ZSCAN5B: variants seen among roughly 807,000 people sequenced by gnomAD.
ZSCAN5B encodes the protein zinc finger and SCAN domain containing 5B.
Under a neutral mutation model 25.2 loss-of-function variants are expected in ZSCAN5B, and 26 were observed. That is an observed-to-expected ratio of 1.03 (90% CI 0.76 to 1.43). The LOEUF (loss-of-function observed/expected upper bound fraction) is 1.43. Ranked by LOEUF, ZSCAN5B falls within the 40% of genes most tolerant of loss-of-function variation. The pLI is 0.00. For missense variants in ZSCAN5B, 745 were observed against 622.1 expected (o/e 1.20, Z -2.10); for synonymous variants, 244 against 240.9 (o/e 1.01, Z -0.12).
intron 1 of ZSCAN5B, among the ~76,000 whole-genome samples, chr19:56,194,269 G>A (rs1455012614): frequency 6.6e-6 from 1 of 151,942 alleles, no homozygotes; most frequent in African/African-American, 2.4e-5. Flanking sequence ...GAAATTTCCA[G>A]GTAGTGGGAT....
At chr19:56,196,910 C>A (rs922062310) in intron 1 of ZSCAN5B, among the ~76,000 whole-genome samples, 3 of 152,128 alleles carry the variant, frequency 2.0e-5, no homozygotes, top group Non-Finnish European at 2.9e-5. Context: ...GAGGCTGAGG[C>A]GGGCAGATTG....
chr19:56,190,746 G>C, intron 4 of ZSCAN5B, 91 bp downstream of exon 4: 2 of 1,547,406 alleles, frequency 1.3e-6, no homozygotes, highest in African/African-American at 1.4e-5. Context: ...GCAGCTGATC[G>C]CCAGCCCCAG....
rs375696908 is a variant in ZSCAN5B at position 56,190,461 on chromosome 19, C to G, written c.854G>C (p.Gly285Ala). ...CAGATTCAGAGCATCTCCTCTGTTC[C>G]CGCTGTGAGTCAAAGCTTCTCTCTC... is the stretch of plus-strand genomic sequence containing the variant. Residue 285 changes from glycine to alanine, a missense_variant, in exon 5 of 5, where the codon GGG becomes GCG. Gly to Ala is a moderately conservative substitution (Grantham distance 60, BLOSUM62 0). Transcript: ENST00000586855. 1.1e-5 allele frequency: 17 copies of G among 1,613,928 alleles called. No homozygotes were observed. In the African/African-American group the frequency reaches 2.1e-4, roughly 20 times the overall value.
intron 1 of ZSCAN5B, among the ~76,000 whole-genome samples, chr19:56,197,429 G>A (rs1021618416): frequency 2.6e-5 from 4 of 152,214 alleles, no homozygotes; most frequent in African/African-American, 9.6e-5. Context: ...TTAGAGTCGG[G>A]GTTTCACCAT....
chr19:56,193,011 G>A (rs372790304), exon 2 of ZSCAN5B: 6 of 1,598,050 alleles, frequency 3.8e-6, no homozygotes, highest in East Asian at 2.2e-5. Flanking sequence ...GGCTGTTGCA[G>A]GGTCCTCCCT....
chr19:56,190,054 C>A, exon 5 of ZSCAN5B: 1 of 1,613,854 alleles, frequency 6.2e-7, no homozygotes, highest in African/African-American at 1.3e-5. Flanking sequence ...GACTCGTGGG[C>A]GAACCGCTTT....
At position 56,192,023 on chromosome 19, in the gene ZSCAN5B, GAT is replaced by G. The variant is rs773687424; in HGVS notation, c.413_414del (p.Tyr138SerfsTer11). On this transcript the variant is annotated frameshift_variant, in exon 3 of 5. Coordinates refer to ENST00000586855, the Ensembl canonical transcript of ZSCAN5B. LOFTEE classifies it high-confidence loss of function. Reference sequence around the variant, plus strand: ...ATCTCGACATCTGAGTTCAGCATAAGATATTCTTTGCCGAGCAAGTTGACTAT... The same window carrying G: ...ATCTCGACATCTGAGTTCAGCATAAGATTCTTTGCCGAGCAAGTTGACTAT... 1 of 1,613,310 alleles carries G rather than the reference GAT, an allele frequency of 6.2e-7. No homozygotes were observed. The highest frequency in any genetic ancestry group is 1.3e-5 in the African/African-American group (1 of 74,886).
At chr19:56,190,328 G>T (rs755476251) in exon 5 of ZSCAN5B, 3 of 1,613,648 alleles carry the variant, frequency 1.9e-6, no homozygotes, top group African/African-American at 2.7e-5. Context: ...GAACTGGATT[G>T]ATCTCAGCTT....
intron 1 of ZSCAN5B, among the ~76,000 whole-genome samples, chr19:56,193,998 C>G (rs1404630807): frequency 6.6e-6 from 1 of 151,840 alleles, no homozygotes; most frequent in Non-Finnish European, 1.5e-5. Context: ...TAAGCTCCTG[C>G]ACAGATATGT....
At chr19:56,197,488 G>A (rs542991139) in intron 1 of ZSCAN5B, among the ~76,000 whole-genome samples, 1 of 152,118 alleles carries the variant, frequency 6.6e-6, no homozygotes, top group South Asian at 2.1e-4. Context: ...TGCCCACCTC[G>A]GCCTCCAGAG....
chr19:56,189,959 C>T, exon 5 of ZSCAN5B: 2 of 1,613,956 alleles, frequency 1.2e-6, no homozygotes, highest in East Asian at 2.2e-5. Context: ...CGTTCAGGTT[C>T]CCCTTGTGGC....
rs749343598 is a variant in ZSCAN5B, at chr19:56,190,210, G to A, written c.1105C>T (p.Gln369Ter). The A allele has an allele frequency of 6.2e-7, 1 of 1,614,022 alleles. No individual in the cohort carries two copies. Among genetic ancestry groups the A allele is most frequent in the South Asian group, 1.1e-5 (1 of 91,080 alleles). ...TGTGACCTCCTGTGGATGCTTAGCT[G>A]GGAAAAATACTTAAATGATTTATTG... The change falls in exon 5 of 5, where the codon CAG becomes TAG. Residue 369 changes from glutamine (Q) to a stop codon, truncating the protein, a stop_gained. Transcript: ENST00000586855. LOFTEE classifies it low-confidence loss of function (END_TRUNC).
At chr19:56,191,119 C>A in intron 3 of ZSCAN5B, 132 bp from the exon 4 acceptor site, 1 of 1,238,554 alleles carries the variant, frequency 8.1e-7, no homozygotes, top group Non-Finnish European at 1.1e-6. Context: ...AACATCACCA[C>A]CTCATTTCTG....
chr19:56,194,295 T>C (rs1028121803), intron 1 of ZSCAN5B, among the ~76,000 whole-genome samples: 3 of 151,824 alleles, frequency 2.0e-5, no homozygotes, highest in African/African-American at 7.3e-5. Context: ...CATAGAGCGG[T>C]TTTTTCTTTT....
Position 56,190,081 on chromosome 19 carries a change from T to TGTAG in ZSCAN5B, c.1230_1233dup (p.Met412LeufsTer4). On this transcript the variant is annotated frameshift_variant, in exon 5 of 5. Coordinates refer to ENST00000586855, the Ensembl canonical transcript of ZSCAN5B. LOFTEE classifies it low-confidence loss of function (END_TRUNC). ...AACCGCTTTTGGCAGACGTCACACA[T>TGTAG]GTAGGGCCTCTCGCCAGTGTGGACT... The TGTAG allele has an allele frequency of 5.6e-6, 9 of 1,613,980 alleles. No homozygotes were observed.
At chr19:56,191,867 C>A (rs764715168) in exon 3 of ZSCAN5B, 1 of 1,614,014 alleles carries the variant, frequency 6.2e-7, no homozygotes, top group South Asian at 1.1e-5. Context: ...CTGGACAGTG[C>A]AGCGACCCTG....
exon 2 of ZSCAN5B, chr19:56,192,673 T>A (rs966890296): frequency 1.9e-6 from 3 of 1,591,746 alleles, no homozygotes; most frequent in Non-Finnish European, 2.6e-6. Context: ...ACTCACCCAT[T>A]TCTTGGGTCT....
rs1568585818 is a variant in ZSCAN5B, at chr19:56,193,152, G to A, written c.-100C>T. The A allele has an allele frequency of 2.3e-6, 3 of 1,330,016 alleles. No homozygotes were observed. In the South Asian group the frequency reaches 4.8e-5, roughly 21 times the overall value. The allele number at this position is 1,330,016 out of a possible 1,614,324, so 82.4% of individuals were successfully genotyped here. On this transcript the variant is annotated 5_prime_UTR_variant, in exon 2 of 5. Coordinates refer to ENST00000586855, the Ensembl canonical transcript of ZSCAN5B. ...CACAGGCTGCCCCTGTTTCTTCTCA[G>A]TAATATATTCACAGTTTGTTCAGAA...
chr19:56,197,443 G>T (rs1019610825), intron 1 of ZSCAN5B, among the ~76,000 whole-genome samples: 6 of 152,094 alleles, frequency 3.9e-5, no homozygotes, highest in African/African-American at 1.4e-4. Flanking sequence ...TCACCATGTT[G>T]GTCAGACTGG....
Sources: gnomAD v4.1 joint callset for allele counts (sites outside exome capture counted in the v4.1 genomes callset) on GRCh38, gnomAD v4.1.1 for gene constraint, MANE v1.5 for transcripts, NCBI Gene and HGNC (gene_info 2026-07-23, HGNC 2026-07-21) for gene names.